The following TMTC2 variants were observed in gnomAD, a reference collection of about 807,000 sequenced individuals.
TMTC2 encodes transmembrane O-mannosyltransferase targeting cadherins 2.
TMTC2 carries 43 observed loss-of-function variants against 82.4 expected under a neutral mutation model. That is an observed-to-expected ratio of 0.52 (90% CI 0.41 to 0.67). TMTC2 has a LOEUF of 0.67. Among genes scored for constraint, TMTC2 ranks in the 30% least tolerant of loss-of-function variants. The pLI is 0.00. For synonymous variants in TMTC2, 408 were observed against 381.9 expected (o/e 1.07, Z -0.80); for missense variants, 919 against 1,012.4 (o/e 0.91, Z 1.25).
At chr12:82,877,057 A>AT (rs11362075) in intron 2 of TMTC2, among the ~76,000 whole-genome samples, 22 of 150,752 alleles carry the variant, frequency 1.5e-4, no homozygotes, top group Non-Finnish European at 2.2e-4. Context: ...GTGGTTACTA[A>AT]TTTTTTTTTT....
In TMTC2 at chr12:82,857,460, C is replaced by T. The variant is rs781296227; in HGVS notation, c.534C>T (p.Cys178=). The T allele has an allele frequency of 3.7e-5, 60 of 1,614,032 alleles. No homozygotes were observed. The highest frequency in any genetic ancestry group is 4.0e-5 in the African/African-American group (3 of 74,916). Residue 178 remains cysteine (C), a synonymous_variant, in exon 2 of 12, where the codon TGC becomes TGT. Transcript: ENST00000321196. ...GCTGGTTCCTGGGGTCAGGACTGTG[C>T]GCAGGATGCAGCATGTTGTGGAAGG... ...TWGWFLGSGL[C]AGCSMLWKEQ... is the part of the protein sequence containing the mutation.
At chr12:83,044,092 G>A (rs952643277) in intron 9 of TMTC2, among the ~76,000 whole-genome samples, 3 of 152,114 alleles carry the variant, frequency 2.0e-5, no homozygotes, top group Non-Finnish European at 4.4e-5. Flanking sequence ...ATGTGTGGCC[G>A]TTTACTGCAC....
chr12:83,091,886 T>A (rs537722251), intron 11 of TMTC2, among the ~76,000 whole-genome samples: 10 of 152,224 alleles, frequency 6.6e-5, no homozygotes, highest in Non-Finnish European at 1.0e-4. Flanking sequence ...TGAGATTGTG[T>A]TACAGCTATT....
chr12:82,701,579 C>G (rs1451959671), intron 1 of TMTC2, among the ~76,000 whole-genome samples: 1 of 145,486 alleles, frequency 6.9e-6, no homozygotes, highest in African/African-American at 2.5e-5. Flanking sequence ...TGGAGAAACC[C>G]CGTCTTTACT....
chr12:82,819,497 CTTTTTTTT>C (rs766912583), intron 1 of TMTC2, among the ~76,000 whole-genome samples: 12,700 of 118,310 alleles, frequency 0.11, 665 homozygotes, highest in Middle Eastern at 0.26. Context: ...TTCTCTCTTT[CTTTTTTTT>C]TTTTTTTTTT....
intron 2 of TMTC2, among the ~76,000 whole-genome samples, chr12:82,891,127 A>G (rs1873372335): frequency 6.6e-6 from 1 of 152,220 alleles, no homozygotes; most frequent in African/African-American, 2.4e-5. Flanking sequence ...GTAGTAGCTC[A>G]GTAAAAATTT....
chr12:82,907,899 G>C (rs1353141952), intron 3 of TMTC2, among the ~76,000 whole-genome samples: 1 of 152,078 alleles, frequency 6.6e-6, no homozygotes, highest in African/African-American at 2.4e-5. Flanking sequence ...AGATCATGAG[G>C]TCAGGAGTTC....
intron 1 of TMTC2, among the ~76,000 whole-genome samples, chr12:82,841,325 T>C (rs1458141772): frequency 6.6e-6 from 1 of 152,194 alleles, no homozygotes; most frequent in Non-Finnish European, 1.5e-5. Context: ...AGTACTACAG[T>C]ATATATTAGG....
Position 82,857,121 on chromosome 12 carries a change from C to G in TMTC2, c.195C>G (p.Tyr65Ter). 2 of 1,614,124 alleles carry G rather than the reference C, an allele frequency of 1.2e-6. No homozygotes were observed. The highest frequency in any genetic ancestry group is 1.7e-6 in the Non-Finnish European group (2 of 1,180,040). The change falls in exon 2 of 12, where the codon TAC (tyrosine) becomes TAG (stop). Residue 65 changes from tyrosine (Y) to a stop codon, truncating the protein, a stop_gained. Transcript: ENST00000321196. LOFTEE classifies it high-confidence loss of function. Reference protein sequence around the residue: ...LLTHSGSHKSYRPLCTLSFRL... With the variant: ...LLTHSGSHKS ...CCCACAGTGGCAGCCACAAGTCCTA[C>G]CGGCCACTCTGCACTCTTTCTTTTC...
At chr12:82,882,874 C>T (rs1035176902) in intron 2 of TMTC2, among the ~76,000 whole-genome samples, 1 of 151,794 alleles carries the variant, frequency 6.6e-6, no homozygotes, top group African/African-American at 2.4e-5. Context: ...TGATCAACAT[C>T]GTGAAACCCT....
chr12:82,966,441 T>A (rs1878214077), intron 6 of TMTC2, among the ~76,000 whole-genome samples: 1 of 152,102 alleles, frequency 6.6e-6, no homozygotes, highest in Non-Finnish European at 1.5e-5. Context: ...ATTAAAACTA[T>A]ACTATAAGGA....
intron 1 of TMTC2, among the ~76,000 whole-genome samples, chr12:82,703,371 C>T (rs928925638): frequency 6.6e-6 from 1 of 152,020 alleles, no homozygotes; most frequent in Non-Finnish European, 1.5e-5. Flanking sequence ...TTTGCCTCTT[C>T]CTTGCTGATG....
At chr12:82,978,167 T>G (rs1314867762) in intron 7 of TMTC2, among the ~76,000 whole-genome samples, 1 of 151,702 alleles carries the variant, frequency 6.6e-6, no homozygotes, top group Non-Finnish European at 1.5e-5. Context: ...AACCAAGACT[T>G]GATCTAGATG....
chr12:82,911,101 C>CT (rs1455493116), intron 3 of TMTC2, among the ~76,000 whole-genome samples: 1 of 152,124 alleles, frequency 6.6e-6, no homozygotes, highest in Non-Finnish European at 1.5e-5. Context: ...AGGATGGTCT[C>CT]TATCTCCTGA....
At chr12:83,128,207 A>G (rs1011332487) in intron 11 of TMTC2, among the ~76,000 whole-genome samples, 1 of 152,118 alleles carries the variant, frequency 6.6e-6, no homozygotes, top group East Asian at 1.9e-4. Context: ...TCCCCAGCCC[A>G]TGAGCTACAG....
At chr12:83,077,968 C>A (rs141276271) in intron 11 of TMTC2, among the ~76,000 whole-genome samples, 13 of 151,292 alleles carry the variant, frequency 8.6e-5, no homozygotes, top group South Asian at 4.2e-4. Context: ...TCCTCCCCCC[C>A]ACAATACCTA....
chr12:82,855,750 T>G (rs1358738335), intron 1 of TMTC2, among the ~76,000 whole-genome samples: 1 of 152,244 alleles, frequency 6.6e-6, no homozygotes, highest in Non-Finnish European at 1.5e-5. Flanking sequence ...ATGTCAGTAC[T>G]TTTGAGTCTT....
At chr12:83,007,486 AC>A (rs932071097) in intron 8 of TMTC2, among the ~76,000 whole-genome samples, 3 of 152,072 alleles carry the variant, frequency 2.0e-5, no homozygotes, top group Non-Finnish European at 4.4e-5. Context: ...TGTGATGGAC[AC>A]TTTATACTAA....
At chr12:82,844,070 T>A (rs1383599299) in intron 1 of TMTC2, among the ~76,000 whole-genome samples, 1 of 152,224 alleles carries the variant, frequency 6.6e-6, no homozygotes, top group African/African-American at 2.4e-5. Flanking sequence ...CAAGACTTCG[T>A]TTCCTAGAGC....
Sources: gnomAD v4.1 joint callset for allele counts (sites outside exome capture counted in the v4.1 genomes callset) on GRCh38, gnomAD v4.1.1 for gene constraint, MANE v1.5 for transcripts, NCBI Gene and HGNC (gene_info 2026-07-23, HGNC 2026-07-21) for gene names.